Variants in C8orf34 observed in about 807,000 individuals in gnomAD.
The protein encoded by C8orf34 is uncharacterized protein C8orf34.
C8orf34 carries 65 observed loss-of-function variants against 68.3 expected under a neutral mutation model. That is an observed-to-expected ratio of 0.95 (90% confidence interval 0.78 to 1.17). The LOEUF (loss-of-function observed/expected upper bound fraction) is 1.17. Ranked by LOEUF, C8orf34 falls within the 50% of genes most tolerant of loss-of-function variation. C8orf34 has a pLI of 0.00. For synonymous variants in C8orf34, 244 were observed against 241.2 expected, an observed-to-expected ratio of 1.01 and a Z score of -0.11; for missense variants, 664 against 655.4, an observed-to-expected ratio of 1.01 and a Z score of -0.14.
At chr8:68,571,433 A>C (rs964168620) in intron 7 of C8orf34, among the ~76,000 whole-genome samples, 5 of 152,244 alleles carry the variant, frequency 3.3e-5, no homozygotes, top group Non-Finnish European at 7.3e-5. Context: ...AGACAACTTC[A>C]GAGAGGATAC....
chr8:68,709,010 C>A lies in C8orf34; in HGVS notation c.1258C>A (p.Leu420Met). ...SRCARLQGDNLEERTEESLPI... is the reference protein window; with the variant it reads ...SRCARLQGDNMEERTEESLPI... ...ATTATTTAGGCTTCAAGGAGACAACCTGGAAGAAAGGACAGAAGAGTCACT... is the reference window on the plus strand; with the variant it reads ...ATTATTTAGGCTTCAAGGAGACAACATGGAAGAAAGGACAGAAGAGTCACT... The change falls in exon 9 of 14, where the codon CTG becomes ATG. Residue 420 changes from leucine (L) to methionine (M), a missense_variant. Leu to Met is a conservative substitution (Grantham distance 15, BLOSUM62 2). Transcript: ENST00000518698. 1 of 1,601,540 alleles carries A rather than the reference C, an allele frequency of 6.2e-7. No homozygotes were observed. The highest frequency in any genetic ancestry group is 8.5e-7 in the Non-Finnish European group (1 of 1,176,278).
At chr8:68,629,207 C>A (rs1818620575) in intron 7 of C8orf34, among the ~76,000 whole-genome samples, 1 of 152,158 alleles carries the variant, frequency 6.6e-6, no homozygotes, top group South Asian at 2.1e-4. Flanking sequence ...CCATTCCAAA[C>A]TCCTTCACTA....
At chr8:68,484,342 A>G (rs578112936) in intron 4 of C8orf34, among the ~76,000 whole-genome samples, 16 of 152,280 alleles carry the variant, frequency 1.1e-4, no homozygotes, top group African/African-American at 2.9e-4. Context: ...GGGGATTACA[A>G]TTCAACATGA....
intron 7 of C8orf34, among the ~76,000 whole-genome samples, chr8:68,573,615 C>T (rs1012189447): frequency 6.6e-6 from 1 of 152,148 alleles, no homozygotes; most frequent in East Asian, 1.9e-4. Context: ...CAGGAAAAAA[C>T]GTGATGGCCT....
intron 7 of C8orf34, among the ~76,000 whole-genome samples, chr8:68,593,340 A>T (rs995417264): frequency 6.6e-6 from 1 of 152,064 alleles, no homozygotes; most frequent in Admixed American, 6.6e-5. Flanking sequence ...TGTACATTTG[A>T]CACTGTTTTT....
chr8:68,771,635 G>T (rs558727991), intron 10 of C8orf34, among the ~76,000 whole-genome samples: 2 of 152,098 alleles, frequency 1.3e-5, no homozygotes, highest in South Asian at 2.1e-4. Flanking sequence ...CCGGACTAAT[G>T]ACTAAGATTT....
At chr8:68,716,213 G>A (rs1180868843) in intron 9 of C8orf34, among the ~76,000 whole-genome samples, 4 of 152,034 alleles carry the variant, frequency 2.6e-5, no homozygotes, top group African/African-American at 9.7e-5. Flanking sequence ...TAGGTACAGT[G>A]TACACTGCTC....
At chr8:68,343,981 C>T (rs747117756) in intron 1 of C8orf34, among the ~76,000 whole-genome samples, 10 of 152,122 alleles carry the variant, frequency 6.6e-5, no homozygotes, top group African/African-American at 2.2e-4. Context: ...CCTGTCTCGG[C>T]CTCCCAAAGT....
intron 1 of C8orf34, among the ~76,000 whole-genome samples, chr8:68,421,381 C>G (rs761214210): frequency 2.2e-4 from 34 of 152,160 alleles, no homozygotes; most frequent in Non-Finnish European, 4.3e-4. Context: ...GAACTACCAA[C>G]AGGTATAGAT....
chr8:68,527,955 C>G (rs1815085119), intron 6 of C8orf34, among the ~76,000 whole-genome samples: 1 of 152,158 alleles, frequency 6.6e-6, no homozygotes, highest in Non-Finnish European at 1.5e-5. Flanking sequence ...TCGTCTGCTG[C>G]TTCCAGATCT....
At chr8:68,781,102 G>A (rs777244973) in intron 11 of C8orf34, among the ~76,000 whole-genome samples, 2 of 152,160 alleles carry the variant, frequency 1.3e-5, no homozygotes, top group Non-Finnish European at 2.9e-5. Context: ...AATACCAAAT[G>A]AAAAGAAATA....
chr8:68,443,454 G>A (rs1305251464), intron 2 of C8orf34, among the ~76,000 whole-genome samples: 1 of 152,062 alleles, frequency 6.6e-6, no homozygotes, highest in East Asian at 1.9e-4. Flanking sequence ...GAGTGCAGTG[G>A]CATGATCTCG....
intron 1 of C8orf34, among the ~76,000 whole-genome samples, chr8:68,382,176 G>T (rs192942032): frequency 7.5e-4 from 114 of 152,254 alleles, no homozygotes; most frequent in African/African-American, 2.6e-3. Context: ...TATAACCATT[G>T]TAGTGGTGGA....
chr8:68,468,883 T>C, intron 4 of C8orf34, 63 bp downstream of exon 4: 1 of 1,538,266 alleles, frequency 6.5e-7, no homozygotes, highest in Non-Finnish European at 8.8e-7. Flanking sequence ...AAGCATTCAT[T>C]ACTTGTGCCA....
In C8orf34 at chr8:68,750,964, G is replaced by C. The variant is rs571872024; in HGVS notation, c.1405-25435G>C. On this transcript the variant is annotated intron_variant, in intron 10 of 13. Coordinates refer to ENST00000518698, the MANE Select transcript of C8orf34 (RefSeq NM_052958.4). ...TAAATGCTGAAACCGGGAGTTAAGA[G>C]ATATTCTCTTTTACTCTAAAGCCTG... Among the ~76,000 whole-genome samples, 365 of 152,242 alleles carry C rather than the reference G, an allele frequency of 2.4e-3. 4 individuals are homozygous for C. Among genetic ancestry groups the C allele is most frequent in the African/African-American group, 8.7e-3 (360 of 41,556 alleles).
At chr8:68,814,688 G>A (rs1354159380) in intron 12 of C8orf34, among the ~76,000 whole-genome samples, 2 of 152,146 alleles carry the variant, frequency 1.3e-5, no homozygotes, top group African/African-American at 4.8e-5. Context: ...GACATATATA[G>A]GAAAGGGTGA....
chr8:68,698,774 G>A (rs1314143298), intron 8 of C8orf34, among the ~76,000 whole-genome samples: 1 of 152,018 alleles, frequency 6.6e-6, no homozygotes, highest in African/African-American at 2.4e-5. Context: ...CAGGATCCTG[G>A]GCTCAAGTGG....
chr8:68,697,821 A>G (rs930415133), intron 8 of C8orf34, among the ~76,000 whole-genome samples: 4 of 152,112 alleles, frequency 2.6e-5, no homozygotes, highest in Non-Finnish European at 5.9e-5. Context: ...TGATCCCTGC[A>G]TGGCATGATC....
At chr8:68,459,265 T>C (rs1811682850) in intron 3 of C8orf34, among the ~76,000 whole-genome samples, 1 of 152,192 alleles carries the variant, frequency 6.6e-6, no homozygotes, top group Non-Finnish European at 1.5e-5. Context: ...AGTCTCACTC[T>C]GTCACCCAGG....
Sources: allele counts gnomAD v4.1 joint callset (sites outside exome capture counted in the v4.1 genomes callset), GRCh38; gene constraint gnomAD v4.1.1; transcripts MANE v1.5; gene names NCBI Gene and HGNC (gene_info 2026-07-23, HGNC 2026-07-21).